VPS8: variants seen among roughly 807,000 people sequenced by gnomAD.
VPS8 encodes VPS8 subunit of CORVET complex.
In VPS8, 129 loss-of-function variants were observed where a neutral mutation model predicts 216.4. The observed-to-expected ratio is 0.60, with a 90% CI of 0.52 to 0.69. The LOEUF is 0.69. VPS8 is among the 30% of genes least tolerant of loss of function. The pLI, the probability that VPS8 is intolerant of heterozygous loss-of-function variation, is 0.00. For missense variants in VPS8, 1,531 were observed against 1,683.5 expected, an observed-to-expected ratio of 0.91 and a Z score of 1.59; for synonymous variants, 571 against 565.4, an observed-to-expected ratio of 1.01 and a Z score of -0.14.
At chr3:185,006,459 G>C (rs944384289) in intron 45 of VPS8, among the ~76,000 whole-genome samples, 1 of 151,982 alleles carries the variant, frequency 6.6e-6, no homozygotes, top group Non-Finnish European at 1.5e-5. Context: ...TTTTATTCTG[G>C]CTTTATTGAA....
chr3:184,871,867 T>G (rs745606163), intron 21 of VPS8, among the ~76,000 whole-genome samples: 1 of 152,176 alleles, frequency 6.6e-6, no homozygotes, highest in African/African-American at 2.4e-5. Context: ...AGAATAGATA[T>G]GGCAGTTAAG....
chr3:184,867,540 A>G lies in VPS8; in HGVS notation c.1471-484A>G, dbSNP rs1371936434. Among the ~76,000 whole-genome samples, 4 of 152,138 alleles carry G rather than the reference A, an allele frequency of 2.6e-5. No individual in the cohort carries two copies. In the East Asian group the frequency reaches 7.7e-4, roughly 29 times the overall value. On this transcript the variant is annotated intron_variant, in intron 17 of 47. Coordinates refer to ENST00000625842, the MANE Select transcript of VPS8 (RefSeq NM_001009921.3). ...TCTTGGACTGTAGACCTTTAAATAG[A>G]CTTACTCTTTAATGTGAGTTCTAGG...
intron 40 of VPS8, among the ~76,000 whole-genome samples, chr3:184,979,197 T>C (rs1749790166): frequency 6.6e-6 from 1 of 152,174 alleles, no homozygotes; most frequent in Non-Finnish European, 1.5e-5. Flanking sequence ...TTTAAATTTG[T>C]TGAGTATTGT....
intron 45 of VPS8, among the ~76,000 whole-genome samples, chr3:185,006,606 G>T (rs550502959): frequency 2.6e-5 from 4 of 152,098 alleles, no homozygotes; most frequent in African/African-American, 9.7e-5. Flanking sequence ...TACTGTGATC[G>T]TTTCTATTAA....
In VPS8 at chr3:184,964,469, T is replaced by G; in HGVS notation, c.3185T>G (p.Ile1062Ser). The G allele has an allele frequency of 6.8e-7, 1 of 1,475,416 alleles. No individual in the cohort carries two copies. Among genetic ancestry groups the G allele is most frequent in the East Asian group, 2.6e-5 (1 of 39,194 alleles). The allele number at this position is 1,475,416 out of a possible 1,614,324, so 91.4% of individuals were successfully genotyped here. A position where few individuals can be genotyped will look rare whatever the true frequency, so the allele number is the denominator to read the frequency against. The change falls in exon 38 of 48, where the codon ATT (isoleucine) becomes AGT (serine). Residue 1062 changes from isoleucine (I) to serine (S), a missense_variant and splice_region_variant. Ile to Ser is a moderately radical substitution (Grantham distance 142). Transcript: ENST00000625842. ...ATATTTATCTTTTTTATTTCCTAGA[T>G]TACTCAGAAGTATCAACTTCATGAA... ...ECYRLEETIQITQKYQLHEVT... is the reference protein window; with the variant it reads ...ECYRLEETIQSTQKYQLHEVT...
chr3:184,837,083 A>G (rs1721237393), intron 5 of VPS8, among the ~76,000 whole-genome samples: 1 of 152,118 alleles, frequency 6.6e-6, no homozygotes. Flanking sequence ...CCCCAAACCT[A>G]CAGAATCCCG....
At chr3:185,019,347 G>GACACACAC (rs111857967) in intron 45 of VPS8, among the ~76,000 whole-genome samples, 37 of 149,874 alleles carry the variant, frequency 2.5e-4, no homozygotes, top group African/African-American at 8.8e-4. Flanking sequence ...AGGAATTAAA[G>GACACACAC]ACACACACAC....
At chr3:185,029,276 G>A (rs569646480) in intron 46 of VPS8, among the ~76,000 whole-genome samples, 171 of 152,308 alleles carry the variant, frequency 1.1e-3, no homozygotes, top group Non-Finnish European at 2.1e-3. Flanking sequence ...CAGAGTGACT[G>A]CCAAAGTGAC....
At chr3:184,887,462 C>T (rs562709271) in intron 22 of VPS8, among the ~76,000 whole-genome samples, 73 of 151,052 alleles carry the variant, frequency 4.8e-4, no homozygotes, top group Non-Finnish European at 9.0e-4. Context: ...AAACGCTTTA[C>T]ATTAATTTAT....
chr3:185,015,465 A>T (rs562962234), intron 45 of VPS8, among the ~76,000 whole-genome samples: 2 of 152,356 alleles, frequency 1.3e-5, no homozygotes, highest in East Asian at 3.9e-4. Context: ...AAAAGCAGTC[A>T]ATACCTCAAT....
intron 17 of VPS8, among the ~76,000 whole-genome samples, chr3:184,867,571 T>C (rs1332817793): frequency 2.0e-5 from 3 of 152,182 alleles, no homozygotes; most frequent in African/African-American, 7.2e-5. Flanking sequence ...CTAGGCCAGA[T>C]GCGTTGCCTC....
At chr3:184,843,523 T>A (rs1722570541) in intron 8 of VPS8, among the ~76,000 whole-genome samples, 1 of 152,332 alleles carries the variant, frequency 6.6e-6, no homozygotes, top group Admixed American at 6.5e-5. Context: ...TCTTTGAGTT[T>A]GTATTTGCCA....
chr3:184,886,841 A>C (rs897112246), intron 22 of VPS8, among the ~76,000 whole-genome samples: 6 of 151,916 alleles, frequency 3.9e-5, no homozygotes, highest in African/African-American at 1.2e-4. Context: ...AGCCTCCTGA[A>C]GTGCTGGGAG....
chr3:184,926,172 G>GAGAC (rs1739591534), intron 30 of VPS8, among the ~76,000 whole-genome samples: 1 of 151,172 alleles, frequency 6.6e-6, no homozygotes, highest in South Asian at 2.1e-4. Context: ...TCAGGAGATC[G>GAGAC]AGACCATCCT....
chr3:184,990,637 A>G lies in VPS8; in HGVS notation c.3586-3346A>G, dbSNP rs1751768606. 2.6e-5 allele frequency among the ~76,000 whole-genome samples: 4 copies of G among 152,194 alleles called. 1 individual carries two copies. In the South Asian group the frequency reaches 8.3e-4, roughly 31 times the overall value. On this transcript the variant is annotated intron_variant, in intron 42 of 47. Coordinates refer to ENST00000625842, the MANE Select transcript of VPS8 (RefSeq NM_001009921.3). Reference sequence around the variant, plus strand: ...TCAAATAATTTGTCTTAGTTTATTCAGTTTTGAAATGGGAACCACTAGAAT... The same window carrying G: ...TCAAATAATTTGTCTTAGTTTATTCGGTTTTGAAATGGGAACCACTAGAAT...
At chr3:184,892,070 A>C (rs1732449692) in intron 22 of VPS8, among the ~76,000 whole-genome samples, 1 of 152,048 alleles carries the variant, frequency 6.6e-6, no homozygotes, top group Non-Finnish European at 1.5e-5. Context: ...TTCATGATCG[A>C]TTTTCTGTTA....
At chr3:184,812,528 G>T (rs564171727) in intron 1 of VPS8, 1 of 152,254 alleles carries the variant, frequency 6.6e-6, no homozygotes. Context: ...TAAGTAAAAA[G>T]GGATTTATTG....
At chr3:184,816,723 A>T (rs1377048211) in intron 1 of VPS8, among the ~76,000 whole-genome samples, 6 of 152,144 alleles carry the variant, frequency 3.9e-5, no homozygotes, top group African/African-American at 1.4e-4. Context: ...ATACGGCCAG[A>T]TCTTGTTTTT....
Position 184,924,857 on chromosome 3 carries a change from T to G in VPS8, c.2455-5T>G. On this transcript the variant is annotated splice_region_variant and splice_polypyrimidine_tract_variant and intron_variant, in intron 29 of 47. Coordinates refer to ENST00000625842, the MANE Select transcript of VPS8 (RefSeq NM_001009921.3). ...ATTGAATAAATGGTCTCCTTTGCTC[T>G]TCAGGTTATGGTGGAGAATTCAGAC... is the stretch of plus-strand genomic sequence containing the variant. 3 of 1,611,776 alleles carry G rather than the reference T, an allele frequency of 1.9e-6. No homozygotes were observed. Among genetic ancestry groups the G allele is most frequent in the Non-Finnish European group, 2.5e-6 (3 of 1,179,228 alleles).
Sources: allele counts gnomAD v4.1 joint callset (sites outside exome capture counted in the v4.1 genomes callset), GRCh38; gene constraint gnomAD v4.1.1; transcripts MANE v1.5; gene names NCBI Gene and HGNC (gene_info 2026-07-23, HGNC 2026-07-21).